TRPM3: variants seen among roughly 807,000 people sequenced by gnomAD.
TRPM3 encodes the protein long transient receptor potential channel 3.
A neutral mutation model predicts 181.2 loss-of-function variants in TRPM3; 77 were observed. That is an observed-to-expected ratio of 0.42 (90% confidence interval 0.35 to 0.51). TRPM3 has a LOEUF of 0.51. TRPM3 is among the 20% of genes least tolerant of loss of function. The pLI is 0.01. For missense variants in TRPM3, 1,759 were observed against 2,196.7 expected (o/e 0.80, Z 3.98); for synonymous variants, 745 against 796.4 (o/e 0.94, Z 1.09).
At chr9:70,883,442 T>A (rs774137103) in intron 1 of TRPM3, among the ~76,000 whole-genome samples, 1 of 152,188 alleles carries the variant, frequency 6.6e-6, no homozygotes, top group Non-Finnish European at 1.5e-5. Context: ...GGAGATTACA[T>A]GTATTATGAG....
At chr9:70,699,001 A>G (rs1412506705) in intron 8 of TRPM3, among the ~76,000 whole-genome samples, 1 of 152,184 alleles carries the variant, frequency 6.6e-6, no homozygotes, top group Non-Finnish European at 1.5e-5. Context: ...GCAATGCAAG[A>G]ACGAACTAAT....
chr9:70,913,033 T>A (rs562829181), intron 1 of TRPM3, among the ~76,000 whole-genome samples: 12 of 152,300 alleles, frequency 7.9e-5, no homozygotes, highest in African/African-American at 2.9e-4. Flanking sequence ...ATGAGATGTA[T>A]GCTTGTAAAA....
chr9:71,042,298 G>A (rs1051743890), intron 1 of TRPM3, among the ~76,000 whole-genome samples: 1 of 152,060 alleles, frequency 6.6e-6, no homozygotes, highest in African/African-American at 2.4e-5. Context: ...GTGCTAATTT[G>A]TGTTGCTTTT....
intron 1 of TRPM3, among the ~76,000 whole-genome samples, chr9:71,326,144 C>A (rs928357109): frequency 6.6e-6 from 1 of 152,142 alleles, no homozygotes; most frequent in Non-Finnish European, 1.5e-5. Flanking sequence ...CCTATTTAAC[C>A]TAAGATTGTG....
intron 5 of TRPM3, among the ~76,000 whole-genome samples, chr9:70,829,768 G>C (rs781353461): frequency 1.3e-5 from 2 of 152,092 alleles, no homozygotes; most frequent in Admixed American, 6.6e-5. Context: ...AGATGATTGC[G>C]TAAGAGTCCC....
intron 1 of TRPM3, among the ~76,000 whole-genome samples, chr9:71,126,722 A>G (rs549814968): frequency 1.8e-4 from 27 of 152,218 alleles, no homozygotes; most frequent in Non-Finnish European, 3.1e-4. Context: ...TAAAATAAAA[A>G]TATCTCATAA....
intron 1 of TRPM3, among the ~76,000 whole-genome samples, chr9:71,036,949 G>C (rs932953204): frequency 2.6e-5 from 4 of 152,088 alleles, no homozygotes; most frequent in Admixed American, 2.0e-4. Flanking sequence ...CATGATTGTA[G>C]GCATTTTTCA....
intron 1 of TRPM3, among the ~76,000 whole-genome samples, chr9:71,112,747 A>T (rs915532856): frequency 2.0e-5 from 3 of 152,192 alleles, no homozygotes; most frequent in African/African-American, 7.2e-5. Flanking sequence ...ATACCACAAC[A>T]TGCTAAAAGT....
intron 1 of TRPM3, among the ~76,000 whole-genome samples, chr9:70,900,967 G>A (rs1020088316): frequency 6.6e-6 from 1 of 152,240 alleles, no homozygotes; most frequent in Non-Finnish European, 1.5e-5. Context: ...TATATGCCCA[G>A]TGGGATGTAG....
At chr9:71,204,440 C>T (rs991916417) in intron 1 of TRPM3, among the ~76,000 whole-genome samples, 34 of 152,184 alleles carry the variant, frequency 2.2e-4, no homozygotes, top group African/African-American at 6.3e-4. Context: ...GACATTTATG[C>T]AGCCAAAAGA....
intron 1 of TRPM3, among the ~76,000 whole-genome samples, chr9:71,319,707 T>C (rs535767449): frequency 1.5e-4 from 23 of 152,250 alleles, no homozygotes; most frequent in African/African-American, 4.3e-4. Flanking sequence ...CAAGATAACA[T>C]TATTAAATTA....
At chr9:71,248,877 C>T (rs10746867) in intron 1 of TRPM3, among the ~76,000 whole-genome samples, 107,032 of 152,056 alleles carry the variant, frequency 0.7, 37,939 homozygotes, top group African/African-American at 0.78. Flanking sequence ...TGGCTCAAAA[C>T]GTAACGACAA....
chr9:71,013,497 T>C (rs1431241457), intron 1 of TRPM3, among the ~76,000 whole-genome samples: 2 of 151,916 alleles, frequency 1.3e-5, no homozygotes, highest in Admixed American at 6.6e-5. Context: ...TGTGAAACAA[T>C]TTTTGTACAT....
intron 1 of TRPM3, among the ~76,000 whole-genome samples, chr9:71,201,636 A>G (rs1188620628): frequency 1.3e-5 from 2 of 151,784 alleles, no homozygotes; most frequent in Non-Finnish European, 2.9e-5. Flanking sequence ...ATCTTCCATC[A>G]CTGATACCCT....
At chr9:71,237,301 A>G (rs1218879123) in intron 1 of TRPM3, among the ~76,000 whole-genome samples, 1 of 152,164 alleles carries the variant, frequency 6.6e-6, no homozygotes, top group African/African-American at 2.4e-5. Flanking sequence ...AAATGATGAT[A>G]CTATGAACAC....
chr9:70,546,530 G>A (rs1487295648), intron 25 of TRPM3, among the ~76,000 whole-genome samples: 2 of 152,136 alleles, frequency 1.3e-5, no homozygotes, highest in East Asian at 1.9e-4. Flanking sequence ...TCCTTAGTGC[G>A]TGGCTTACTG....
chr9:70,799,060 TAAAGCGACA>T (rs1251529760), intron 6 of TRPM3, among the ~76,000 whole-genome samples: 1 of 152,228 alleles, frequency 6.6e-6, no homozygotes, highest in African/African-American at 2.4e-5. Flanking sequence ...TGAACCCAGC[TAAAGCGACA>T]AAGTATCTCG....
At chr9:70,582,533 G>T in intron 22 of TRPM3, among the ~76,000 whole-genome samples, 1 of 152,160 alleles carries the variant, frequency 6.6e-6, no homozygotes, top group East Asian at 1.9e-4. Flanking sequence ...TCACAGAGCT[G>T]GCATTCTAAA....
intron 20 of TRPM3, among the ~76,000 whole-genome samples, chr9:70,599,760 C>G (rs192510128): frequency 1.1e-4 from 16 of 152,270 alleles, no homozygotes; most frequent in Admixed American, 9.8e-4. Context: ...AAGTCACTCT[C>G]CAATACATTA....
Sources: allele counts gnomAD v4.1 joint callset (sites outside exome capture counted in the v4.1 genomes callset), GRCh38; gene constraint gnomAD v4.1.1; transcripts MANE v1.5; gene names NCBI Gene and HGNC (gene_info 2026-07-23, HGNC 2026-07-21).